The following TSKS variants were observed in gnomAD, a reference collection of about 807,000 sequenced individuals.
TSKS encodes testis specific serine kinase substrate.
In TSKS, 27 loss-of-function variants were observed where a neutral mutation model predicts 68.0. That is an observed-to-expected ratio of 0.40 (90% CI 0.29 to 0.55). The LOEUF (loss-of-function observed/expected upper bound fraction) is 0.55. TSKS is among the 20% of genes least tolerant of loss of function. The pLI is 0.53. For synonymous variants in TSKS, 331 were observed against 340.4 expected, an observed-to-expected ratio of 0.97 and a Z score of 0.30; for missense variants, 806 against 776.0, an observed-to-expected ratio of 1.04 and a Z score of -0.46.
At chr19:49,751,178 G>C (rs1261800683) in intron 2 of TSKS, among the ~76,000 whole-genome samples, 1 of 151,362 alleles carries the variant, frequency 6.6e-6, no homozygotes, top group East Asian at 1.9e-4. Context: ...GTGGCAGGCA[G>C]TTGTAATCCC....
chr19:49,758,182 T>C (rs1029754483), intron 2 of TSKS, among the ~76,000 whole-genome samples: 2 of 149,696 alleles, frequency 1.3e-5, no homozygotes, highest in Non-Finnish European at 3.0e-5. Context: ...TCTGTTCCCC[T>C]CTCTCTCTCT....
intron 8 of TSKS, among the ~76,000 whole-genome samples, 185 bp from the exon 9 acceptor site, chr19:49,742,205 CT>C (rs966762666): frequency 7.4e-5 from 11 of 149,022 alleles, no homozygotes; most frequent in South Asian, 2.1e-4. Flanking sequence ...ATCACTACTC[CT>C]TTTTTTTTTG....
rs754144274 is a variant in TSKS, at chr19:49,740,233, G to A, written c.1498-50C>T. 4 of 1,575,814 alleles carry A rather than the reference G, an allele frequency of 2.5e-6. No homozygotes were observed. The East Asian group carries it at 6.8e-5, about 27-fold the overall frequency. ...CTGGGCTTGCTGGACTGGGCTGGGG[G>A]TGGAGGGGGAACTGGATTGCGGAGG... is the stretch of plus-strand genomic sequence containing the variant. On this transcript the variant is annotated intron_variant, in intron 9 of 10. Transcript: ENST00000246801.
intron 9 of TSKS, 75 bp from the exon 10 acceptor site, chr19:49,740,258 G>A: frequency 8.5e-6 from 13 of 1,534,344 alleles, no homozygotes; most frequent in Non-Finnish European, 1.1e-5. Flanking sequence ...GATTGCGGAG[G>A]GCAAAGGGTA....
chr19:49,762,995 C>G, intron 1 of TSKS, 83 bp downstream of exon 1: 1 of 1,503,406 alleles, frequency 6.7e-7, no homozygotes, highest in Non-Finnish European at 8.9e-7. Flanking sequence ...TCCCCTTCCT[C>G]TAGCACCCAC....
In TSKS at chr19:49,741,988, T is replaced by C. The variant is rs1289223709; in HGVS notation, c.1394A>G (p.Gln465Arg). The change falls in exon 9 of 11, where the codon CAG (glutamine) becomes CGG (arginine). Residue 465 changes from glutamine (Q) to arginine (R), a missense_variant. Coordinates refer to ENST00000246801, the MANE Select transcript of TSKS (RefSeq NM_021733.2). ...GGTCAGTGCTCGGTCCAGCAGCTGC[T>C]GCAGGGACTCCGTAGACAACTGCGA... The part of the protein sequence containing the change: ...QGSQLSTESL[Q>R]QLLDRALTSL... 6.2e-7 allele frequency: 1 copy of C among 1,614,170 alleles called. No homozygotes were observed. The highest frequency in any genetic ancestry group is 8.5e-7 in the Non-Finnish European group (1 of 1,180,020).
Position 49,745,356 on chromosome 19 carries a change from C to T in TSKS, c.1033G>A (p.Glu345Lys). The T allele has an allele frequency of 1.3e-6, 2 of 1,592,726 alleles. No homozygotes were observed. Among genetic ancestry groups the T allele is most frequent in the Admixed American group, 1.7e-5 (1 of 58,264 alleles). ...CGCAGGGCTTCCTGCACCGCCCCCT[C>T]CTCCTGATGCCACCGGGCGGTCAGT... ...SSLTARWHQE[E>K]GAVQEALRLL... The change falls in exon 7 of 11, where the codon GAG (glutamate) becomes AAG (lysine). Residue 345 changes from glutamate to lysine, a missense_variant. Glu to Lys is a moderately conservative substitution (Grantham distance 56, BLOSUM62 1). Transcript: ENST00000246801.
chr19:49,746,028 A>G (rs1025757416), intron 6 of TSKS, among the ~76,000 whole-genome samples: 1 of 152,056 alleles, frequency 6.6e-6, no homozygotes, highest in Non-Finnish European at 1.5e-5. Flanking sequence ...CTAAAAATAC[A>G]AAAAAATAGC....
chr19:49,745,438 A>G (rs2304203), intron 6 of TSKS, 42 bp from the exon 7 acceptor site: 83,746 of 1,447,172 alleles, frequency 0.058, 2,709 homozygotes, highest in African/African-American at 0.12. Flanking sequence ...GCTAGGCTTC[A>G]ACAGGTCCCC....
At chr19:49,749,482 A>G (rs986059732) in intron 2 of TSKS, among the ~76,000 whole-genome samples, 1 of 152,238 alleles carries the variant, frequency 6.6e-6, no homozygotes, top group African/African-American at 2.4e-5. Context: ...CAGCTTGGAC[A>G]GTTACAGAAG....
In TSKS at chr19:49,748,472, G is replaced by A. The variant is rs916297617; in HGVS notation, c.400-3C>T. 6.2e-7 allele frequency: 1 copy of A among 1,613,270 alleles called. No homozygotes were observed. Among genetic ancestry groups the A allele is most frequent in the African/African-American group, 1.3e-5 (1 of 74,928 alleles). On this transcript the variant is annotated splice_region_variant and splice_polypyrimidine_tract_variant and intron_variant, in intron 2 of 10. Transcript: ENST00000246801. ...ACCAATCCACTGTTGACCCCACTCTGGGGAAGAATGGGAGACAGGTGAGTT... is the reference window on the plus strand; with the variant it reads ...ACCAATCCACTGTTGACCCCACTCTAGGGAAGAATGGGAGACAGGTGAGTT...
At chr19:49,759,908 C>G (rs1419880205) in intron 2 of TSKS, among the ~76,000 whole-genome samples, 1 of 151,784 alleles carries the variant, frequency 6.6e-6, no homozygotes, top group Non-Finnish European at 1.5e-5. Context: ...AATCCTAGCA[C>G]TTTGGGAGGC....
At chr19:49,743,337 CAA>C (rs1343819021) in intron 8 of TSKS, among the ~76,000 whole-genome samples, 1 of 151,926 alleles carries the variant, frequency 6.6e-6, no homozygotes, top group Non-Finnish European at 1.5e-5. Flanking sequence ...CTTGGCCTCC[CAA>C]AGTGCTGGGA....
chr19:49,761,470 A>C (rs1431895854), intron 2 of TSKS, among the ~76,000 whole-genome samples: 1 of 152,200 alleles, frequency 6.6e-6, no homozygotes, highest in African/African-American at 2.4e-5. Context: ...GTTGCAAGAC[A>C]TCCTCCTCCA....
intron 7 of TSKS, 55 bp downstream of exon 7, chr19:49,745,147 G>A: frequency 6.7e-7 from 1 of 1,482,114 alleles, no homozygotes; most frequent in Non-Finnish European, 9.0e-7. Flanking sequence ...CCCGCCCTCA[G>A]GTTGGGATTG....
intron 2 of TSKS, among the ~76,000 whole-genome samples, chr19:49,754,935 T>C (rs902684458): frequency 2.0e-5 from 3 of 151,982 alleles, no homozygotes; most frequent in African/African-American, 7.2e-5. Context: ...CCGTCTCTAC[T>C]AAAAATACAA....
chr19:49,745,293 G>A lies in TSKS; in HGVS notation c.1096C>T (p.Leu366=). Residue 366 remains leucine (L), a synonymous_variant, in exon 7 of 11, where the codon CTA becomes TTA. Transcript: ENST00000246801. ...GGLGGRVDGF[L]GQWERAQREQ... Reference sequence around the variant, plus strand: ...CGCTGTGCCCGCTCCCACTGGCCTAGGAAGCCGTCGACCCTGCCGCCCAGG... The same window carrying A: ...CGCTGTGCCCGCTCCCACTGGCCTAAGAAGCCGTCGACCCTGCCGCCCAGG... 1 of 1,606,004 alleles carries A rather than the reference G, an allele frequency of 6.2e-7. No individual in the cohort carries two copies. Among genetic ancestry groups the A allele is most frequent in the African/African-American group, 1.3e-5 (1 of 75,040 alleles).
At chr19:49,744,045 C>G (rs1280765850) in intron 8 of TSKS, among the ~76,000 whole-genome samples, 186 bp downstream of exon 8, 6 of 152,176 alleles carry the variant, frequency 3.9e-5, no homozygotes, top group Non-Finnish European at 8.8e-5. Context: ...GACACTGATT[C>G]TACCTTGTAG....
intron 2 of TSKS, among the ~76,000 whole-genome samples, chr19:49,758,647 T>G (rs1260702151): frequency 1.3e-5 from 2 of 152,076 alleles, no homozygotes; most frequent in Non-Finnish European, 2.9e-5. Context: ...CTCCTCCTCC[T>G]TCCCTGGACC....
Sources: allele counts gnomAD v4.1 joint callset (sites outside exome capture counted in the v4.1 genomes callset), GRCh38; gene constraint gnomAD v4.1.1; transcripts MANE v1.5; gene names NCBI Gene and HGNC (gene_info 2026-07-23, HGNC 2026-07-21).